Variants in RNLS observed in about 807,000 individuals in gnomAD.
RNLS encodes renalase.
Under a neutral mutation model 39.8 loss-of-function variants are expected in RNLS, and 39 were observed. The observed-to-expected ratio is 0.98, with a 90% confidence interval of 0.76 to 1.28. The LOEUF (loss-of-function observed/expected upper bound fraction) is 1.28. Ranked by LOEUF, RNLS falls within the 50% of genes most tolerant of loss-of-function variation. RNLS has a pLI of 0.00. For synonymous variants in RNLS, 147 were observed against 150.7 expected, an observed-to-expected ratio of 0.98 and a Z score of 0.18; for missense variants, 410 against 413.3, an observed-to-expected ratio of 0.99 and a Z score of 0.07.
intron 4 of RNLS, among the ~76,000 whole-genome samples, chr10:88,536,585 C>T (rs1055424522): frequency 2.0e-5 from 3 of 152,302 alleles, no homozygotes; most frequent in East Asian, 1.9e-4. Context: ...TCTCCTACTA[C>T]GCTGTCCCTC....
At chr10:88,172,839 G>GTTTTTTTTTTTTTTTTTTT in the RNLS span, among the ~76,000 whole-genome samples, 1 of 31,504 alleles carries the variant, frequency 3.2e-5, no homozygotes, top group Non-Finnish European at 6.6e-5. Flanking sequence ...TGCATTTTGA[G>GTTTTTTTTTTTTTTTTTTT]TTGTTTTTTT....
At chr10:88,321,966 T>A (rs1265336113) in intron 5 of RNLS, among the ~76,000 whole-genome samples, 2 of 152,150 alleles carry the variant, frequency 1.3e-5, no homozygotes, top group African/African-American at 4.8e-5. Flanking sequence ...GAAACCAGTA[T>A]CATCCAAAAT....
the RNLS span, among the ~76,000 whole-genome samples, chr10:88,200,991 C>T: frequency 6.8e-6 from 1 of 147,426 alleles, no homozygotes; most frequent in Admixed American, 6.8e-5. Flanking sequence ...AAAATGAATC[C>T]TTTTTTTTTT....
At chr10:88,486,483 T>C (rs556783964) in intron 4 of RNLS, among the ~76,000 whole-genome samples, 2 of 151,958 alleles carry the variant, frequency 1.3e-5, no homozygotes, top group East Asian at 3.9e-4. Flanking sequence ...AAAGGCCTAA[T>C]ATCAAGCATC....
At chr10:88,349,913 C>T (rs1271307359) in intron 5 of RNLS, among the ~76,000 whole-genome samples, 1 of 152,046 alleles carries the variant, frequency 6.6e-6, no homozygotes, top group East Asian at 1.9e-4. Flanking sequence ...ATAGGGAAAA[C>T]ATCAGTTACA....
At chr10:88,318,510 G>T (rs959207940) in intron 5 of RNLS, among the ~76,000 whole-genome samples, 6 of 152,208 alleles carry the variant, frequency 3.9e-5, no homozygotes, top group African/African-American at 1.4e-4. Context: ...ACTTTTTGTA[G>T]TGAATCCACA....
intron 4 of RNLS, among the ~76,000 whole-genome samples, chr10:88,363,358 A>G (rs1564732430): frequency 6.6e-6 from 1 of 152,124 alleles, no homozygotes; most frequent in African/African-American, 2.4e-5. Context: ...ATGATTACCT[A>G]TGTAACAAAC....
intron 6 of RNLS, among the ~76,000 whole-genome samples, chr10:88,287,712 T>C (rs1012163578): frequency 1.3e-5 from 2 of 152,090 alleles, no homozygotes; most frequent in African/African-American, 4.8e-5. Flanking sequence ...ACGTCTTACA[T>C]GGCAGCAGGC....
the RNLS span, among the ~76,000 whole-genome samples, chr10:88,225,836 A>T: frequency 6.6e-6 from 1 of 152,210 alleles, no homozygotes; most frequent in Non-Finnish European, 1.5e-5. Flanking sequence ...TAAACACACA[A>T]ATAGGCATAA....
chr10:88,231,254 C>A, the RNLS span, among the ~76,000 whole-genome samples: 1 of 152,170 alleles, frequency 6.6e-6, no homozygotes, highest in Non-Finnish European at 1.5e-5. Flanking sequence ...TATAACTGGT[C>A]TCCTTATAAA....
chr10:88,517,211 A>G (rs1237490928), intron 4 of RNLS, among the ~76,000 whole-genome samples: 3 of 151,992 alleles, frequency 2.0e-5, no homozygotes. Context: ...TTCATTGTGC[A>G]TAAATCTATT....
intron 5 of RNLS, among the ~76,000 whole-genome samples, chr10:88,331,193 C>G (rs899776608): frequency 6.6e-6 from 1 of 152,190 alleles, no homozygotes; most frequent in Non-Finnish European, 1.5e-5. Flanking sequence ...ATTAAAAGTT[C>G]AAACTCCCTG....
Position 88,333,593 on chromosome 10 carries a change from A to T in RNLS, c.701-18952T>A, listed in dbSNP as rs114082074. On this transcript the variant is annotated intron_variant, in intron 5 of 6. Coordinates refer to ENST00000331772, the MANE Select transcript of RNLS (RefSeq NM_001031709.3). ...ACCTAATTTAATAACATGAATTGCC[A>T]TGGTTTACTAGTCTTTCAGAGCTGG... Among the ~76,000 whole-genome samples, 979 of 152,314 alleles carry T rather than the reference A, an allele frequency of 6.4e-3. 13 individuals carry two copies. Among genetic ancestry groups the T allele is most frequent in the African/African-American group, 0.021 (888 of 41,560 alleles).
chr10:88,414,262 A>G (rs1853879793), intron 4 of RNLS, among the ~76,000 whole-genome samples: 1 of 151,462 alleles, frequency 6.6e-6, no homozygotes, highest in Non-Finnish European at 1.5e-5. Flanking sequence ...AAAGTCCTAG[A>G]GTTGACAAAA....
At position 88,581,683 on chromosome 10, in the gene RNLS, C is replaced by T; in HGVS notation, c.251G>A (p.Gly84Asp). The T allele has an allele frequency of 6.3e-7, 1 of 1,587,850 alleles. No individual in the cohort carries two copies. ...QRFYDELLAY[G>D]VLRPLSSPIE... is the part of the protein sequence containing the mutation. ...AGGCGAGCTTAGAGGCCTCAAAACGCCATAGGCTAACAGTTCATCATAAAA... is the reference window on the plus strand; with the variant it reads ...AGGCGAGCTTAGAGGCCTCAAAACGTCATAGGCTAACAGTTCATCATAAAA... The change falls in exon 3 of 7, where the codon GGC becomes GAC. Residue 84 changes from glycine (G) to aspartate (D), a missense_variant. By Grantham distance (94) the Gly-to-Asp change is moderately conservative. Transcript: ENST00000331772.
the RNLS span, among the ~76,000 whole-genome samples, chr10:88,236,833 G>A: frequency 6.6e-6 from 1 of 152,154 alleles, no homozygotes; most frequent in Non-Finnish European, 1.5e-5. Context: ...TGTGATGGAA[G>A]CTATTCTCCC....
chr10:88,507,269 GCA>G (rs1339925027), intron 4 of RNLS, among the ~76,000 whole-genome samples: 7 of 150,802 alleles, frequency 4.6e-5, no homozygotes, highest in African/African-American at 1.7e-4. Flanking sequence ...ACACACACAC[GCA>G]CACACACACA....
intron 4 of RNLS, among the ~76,000 whole-genome samples, chr10:88,560,366 C>A (rs913401404): frequency 6.6e-6 from 1 of 151,900 alleles, no homozygotes. Flanking sequence ...AAGAAGCCAC[C>A]AGGAAAAGGT....
At chr10:88,242,784 C>T in the RNLS span, among the ~76,000 whole-genome samples, 1 of 152,084 alleles carries the variant, frequency 6.6e-6, no homozygotes, top group Non-Finnish European at 1.5e-5. Flanking sequence ...CCTGTCTCTA[C>T]TAAAAATACA....
Sources: gnomAD v4.1 joint callset for allele counts (sites outside exome capture counted in the v4.1 genomes callset) on GRCh38, gnomAD v4.1.1 for gene constraint, MANE v1.5 for transcripts, NCBI Gene and HGNC (gene_info 2026-07-23, HGNC 2026-07-21) for gene names.